PKHD1L1: variants seen among roughly 807,000 people sequenced by gnomAD.
PKHD1L1 encodes the protein PKHD1 like 1.
PKHD1L1 carries 434 observed loss-of-function variants against 462.9 expected under a neutral mutation model. That is an observed-to-expected ratio of 0.94 (90% confidence interval 0.87 to 1.02). PKHD1L1 has a LOEUF of 1.02. Among genes scored for constraint, PKHD1L1 ranks in the 50% least tolerant of loss-of-function variants. PKHD1L1 has a pLI of 0.00. For synonymous variants in PKHD1L1, 1,781 were observed against 1,750.0 expected (o/e 1.02, Z -0.44); for missense variants, 5,202 against 5,096.1 (o/e 1.02, Z -0.63).
intron 77 of PKHD1L1, 120 bp from the exon 78 acceptor site, chr8:109,529,960 T>G (rs1386012093): frequency 7.2e-6 from 4 of 554,958 alleles, no homozygotes; most frequent in Non-Finnish European, 8.2e-6. Context: ...TGGGTAAACT[T>G]GGAAATACTG....
chr8:109,400,445 T>TTC, intron 13 of PKHD1L1, 101 bp downstream of exon 13: 1 of 1,314,344 alleles, frequency 7.6e-7, no homozygotes, highest in Non-Finnish European at 1.0e-6. Flanking sequence ...TTTTAAAATG[T>TTC]ATGAGAAATG....
rs779927372 is a variant in PKHD1L1, at chr8:109,522,291, C to T, written c.12137C>T (p.Ser4046Phe). 6.2e-7 allele frequency: 1 copy of T among 1,607,952 alleles called. No individual in the cohort carries two copies. The highest frequency in any genetic ancestry group is 8.5e-7 in the Non-Finnish European group (1 of 1,175,998). ...CTTGGATTTAACATTTCGTCCATGT[C>T]TATTACTAATCCCCTCCCCAGCCCA... ...SILGFNISSM[S>F]ITNPLPSPSD... is the part of the protein sequence containing the mutation. Residue 4046 changes from serine to phenylalanine, a missense_variant, in exon 74 of 78, where the codon TCT becomes TTT. By Grantham distance (155) the Ser-to-Phe change is radical. Transcript: ENST00000378402.
chr8:109,491,745 ATTGT>A (rs1818836627), intron 61 of PKHD1L1, 124 bp from the exon 62 acceptor site: 1 of 876,398 alleles, frequency 1.1e-6, no homozygotes. Flanking sequence ...CTCTAAGAGG[ATTGT>A]TTGTCAGGCT....
At chr8:109,416,274 T>G (rs899912330) in intron 21 of PKHD1L1, among the ~76,000 whole-genome samples, 5 of 152,214 alleles carry the variant, frequency 3.3e-5, no homozygotes, top group African/African-American at 1.2e-4. Flanking sequence ...TCTACACATG[T>G]TTCCACAGAA....
chr8:109,366,691 ATT>A (rs373076991), intron 2 of PKHD1L1, among the ~76,000 whole-genome samples: 40,415 of 137,316 alleles, frequency 0.29, 5,835 homozygotes, highest in Admixed American at 0.42. Context: ...TGTGGTTATG[ATT>A]TTTTTTTTTT....
chr8:109,369,352 T>A (rs955347812), intron 2 of PKHD1L1, among the ~76,000 whole-genome samples: 5 of 152,194 alleles, frequency 3.3e-5, no homozygotes, highest in African/African-American at 9.7e-5. Flanking sequence ...TGGAATTAGT[T>A]TAAAAGTCAG....
At chr8:109,466,809 T>TA in intron 50 of PKHD1L1, 40 bp downstream of exon 50, 1 of 1,517,766 alleles carries the variant, frequency 6.6e-7, no homozygotes, top group Non-Finnish European at 8.9e-7. Context: ...AATTTAAATA[T>TA]ATCTTCCTAA....
intron 57 of PKHD1L1, among the ~76,000 whole-genome samples, chr8:109,484,421 T>A (rs1017447852): frequency 2.6e-5 from 4 of 151,810 alleles, no homozygotes; most frequent in Non-Finnish European, 5.9e-5. Context: ...AATGAACAAA[T>A]AAATATCTAT....
At chr8:109,518,546 T>C (rs1820393134) in intron 73 of PKHD1L1, 38 bp downstream of exon 73, 1 of 1,488,034 alleles carries the variant, frequency 6.7e-7, no homozygotes, top group Non-Finnish European at 9.1e-7. Context: ...GGAATGCAAT[T>C]ACCAAATCCA....
At chr8:109,384,803 A>C (rs1479292540) in intron 5 of PKHD1L1, among the ~76,000 whole-genome samples, 1 of 152,072 alleles carries the variant, frequency 6.6e-6, no homozygotes, top group African/African-American at 2.4e-5. Context: ...AATTTATGTA[A>C]TTAAACTTAT....
At chr8:109,396,173 C>T in intron 11 of PKHD1L1, 36 bp downstream of exon 11, 2 of 1,407,620 alleles carry the variant, frequency 1.4e-6, no homozygotes, top group Non-Finnish European at 2.0e-6. Context: ...TACTTTATTA[C>T]CACAAATTCT....
At chr8:109,408,587 A>G (rs1367293440) in intron 18 of PKHD1L1, among the ~76,000 whole-genome samples, 2 of 152,186 alleles carry the variant, frequency 1.3e-5, no homozygotes, top group Non-Finnish European at 2.9e-5. Context: ...GCTATAAAGT[A>G]TTGGTTAGTT....
intron 45 of PKHD1L1, among the ~76,000 whole-genome samples, chr8:109,455,528 A>G (rs1339574864): frequency 2.0e-5 from 3 of 152,128 alleles, no homozygotes; most frequent in Non-Finnish European, 2.9e-5. Context: ...TACTTTATGT[A>G]TTTATATATA....
chr8:109,375,575 C>G (rs1432166671), intron 2 of PKHD1L1, among the ~76,000 whole-genome samples: 1 of 152,170 alleles, frequency 6.6e-6, no homozygotes, highest in Non-Finnish European at 1.5e-5. Context: ...AGGAGAGGTG[C>G]TCTGATTTTT....
At chr8:109,395,402 TG>T (rs1175006260) in intron 10 of PKHD1L1, among the ~76,000 whole-genome samples, 2 of 152,058 alleles carry the variant, frequency 1.3e-5, no homozygotes, top group Non-Finnish European at 2.9e-5. Context: ...TTAAAAAAGG[TG>T]GGTCTTGGAA....
At chr8:109,511,043 C>A in intron 71 of PKHD1L1, 109 bp downstream of exon 71, 1 of 1,268,002 alleles carries the variant, frequency 7.9e-7, no homozygotes, top group Non-Finnish European at 1.1e-6. Context: ...CCTTACAGCT[C>A]ATTTCCAAGG....
rs1279092431 is a variant in PKHD1L1, at chr8:109,483,068, C to G, written c.9539C>G (p.Ser3180Cys). 6.2e-7 allele frequency: 1 copy of G among 1,601,344 alleles called. No individual in the cohort carries two copies. ...TKLSETAFAG[S>C]KVLSLMDAVD... is the part of the protein sequence containing the mutation. ...CTCTCAGAAACTGCATTTGCAGGTT[C>G]CAAAGTCCTGTCTCTGATGGATGCT... Residue 3180 changes from serine (S) to cysteine (C), a missense_variant, in exon 57 of 78, where the codon TCC becomes TGC. Physicochemically the swap from Ser to Cys is moderately radical, Grantham distance 112 (BLOSUM62 -1). This residue lies in a region of PKHD1L1 where 4,497 missense variants were observed against 4,336.8 expected (regional missense o/e 1.04). Coordinates refer to ENST00000378402, the MANE Select transcript of PKHD1L1 (RefSeq NM_177531.6).
chr8:109,451,257 A>G (rs1474339453), intron 41 of PKHD1L1, 108 bp downstream of exon 41: 2 of 1,162,410 alleles, frequency 1.7e-6, no homozygotes, highest in African/African-American at 1.6e-5. Flanking sequence ...TGCAATGTGT[A>G]CCTATATGCT....
In PKHD1L1 at chr8:109,440,754, G is replaced by T. The variant is rs1246206992; in HGVS notation, c.4001G>T (p.Ser1334Ile). ...ATACAGTATGTTTTAGAAGTGACCA[G>T]CATGTTTCCACAAAGAGGCTCCTTG... ...SSIQYVLEVT[S>I]MFPQRGSLFG... The change falls in exon 33 of 78, where the codon AGC (serine) becomes ATC (isoleucine). Residue 1334 changes from serine to isoleucine, a missense_variant. Ser to Ile is a moderately radical substitution (Grantham distance 142). Coordinates refer to ENST00000378402, the MANE Select transcript of PKHD1L1 (RefSeq NM_177531.6). 6.2e-7 allele frequency: 1 copy of T among 1,612,854 alleles called. No individual in the cohort carries two copies. The highest frequency in any genetic ancestry group is 8.5e-7 in the Non-Finnish European group (1 of 1,179,238).
Sources: gnomAD v4.1 joint callset for allele counts (sites outside exome capture counted in the v4.1 genomes callset) on GRCh38, gnomAD v4.1.1 for gene constraint, gnomAD v4.1.1 regional missense constraint, MANE v1.5 for transcripts, NCBI Gene and HGNC (gene_info 2026-07-23, HGNC 2026-07-21) for gene names.